MGRN1: variants seen among roughly 807,000 people sequenced by gnomAD.
MGRN1 encodes the protein E3 ubiquitin-protein ligase MGRN1.
Under a neutral mutation model 69.2 loss-of-function variants are expected in MGRN1, and 29 were observed. The observed-to-expected ratio is 0.42, with a 90% CI of 0.31 to 0.57. The LOEUF (loss-of-function observed/expected upper bound fraction) is 0.57, where lower values mean the gene tolerates loss of function less well. Among genes scored for constraint, MGRN1 ranks in the 20% least tolerant of loss-of-function variants. The pLI, the probability that MGRN1 is intolerant of heterozygous loss-of-function variation, is 0.15. For synonymous variants in MGRN1, 470 were observed against 344.2 expected (o/e 1.37, Z -4.04); for missense variants, 998 against 796.2 (o/e 1.25, Z -3.05).
intron 15 of MGRN1, 88 bp from the exon 16 acceptor site, chr16:4,683,755 T>G (rs987280056): frequency 2.9e-5 from 34 of 1,171,128 alleles, no homozygotes; most frequent in Non-Finnish European, 4.0e-5. Context: ...ACAGAGCCCT[T>G]GGGTAAGAGA....
chr16:4,645,053 C>A (rs533234180), intron 1 of MGRN1, among the ~76,000 whole-genome samples: 1 of 150,812 alleles, frequency 6.6e-6, no homozygotes, highest in East Asian at 1.9e-4. Flanking sequence ...TCACTTATTA[C>A]CTATGCAGGT....
intron 5 of MGRN1, among the ~76,000 whole-genome samples, chr16:4,660,645 C>A (rs368622073): frequency 6.6e-6 from 1 of 152,218 alleles, no homozygotes; most frequent in Non-Finnish European, 1.5e-5. Context: ...CTGCCTCCCC[C>A]GTTTGGCTCC....
At chr16:4,682,729 G>C in intron 13 of MGRN1, 94 bp from the exon 14 acceptor site, 3 of 1,382,982 alleles carry the variant, frequency 2.2e-6, no homozygotes, top group Non-Finnish European at 9.6e-7. Flanking sequence ...GCAGGCGTGT[G>C]CAGGGGCCCC....
At chr16:4,656,288 T>C (rs1271333300) in intron 4 of MGRN1, among the ~76,000 whole-genome samples, 3 of 152,248 alleles carry the variant, frequency 2.0e-5, no homozygotes, top group Non-Finnish European at 4.4e-5. Flanking sequence ...GGTGACCATC[T>C]GCTGGTGTCC....
intron 4 of MGRN1, among the ~76,000 whole-genome samples, chr16:4,655,072 G>A (rs1430111686): frequency 6.6e-6 from 1 of 152,206 alleles, no homozygotes; most frequent in East Asian, 1.9e-4. Flanking sequence ...TCCCCTCCTT[G>A]CACCCCACTG....
rs773744383 is a variant in MGRN1 at position 4,688,929 on chromosome 16, C to T, written c.*21C>T. ...TCTGAGAGCCTGGCCGAGCTGGCAG[C>T]ATGGAGCCCTCGGCTCCCCAGACTT... On this transcript the variant is annotated 3_prime_UTR_variant, in exon 17 of 17. Transcript: ENST00000262370. The T allele has an allele frequency of 6.3e-5, 96 of 1,529,882 alleles. No individual in the cohort carries two copies. The highest frequency in any genetic ancestry group is 7.8e-5 in the Non-Finnish European group (88 of 1,132,352). 94.8% of individuals were successfully genotyped at this position (1,529,882 alleles called of 1,614,324 possible). A position where few individuals can be genotyped will look rare whatever the true frequency, so the allele number is the denominator to read the frequency against.
intron 10 of MGRN1, among the ~76,000 whole-genome samples, chr16:4,676,275 G>A (rs1248604756): frequency 2.0e-5 from 3 of 152,206 alleles, no homozygotes; most frequent in African/African-American, 4.8e-5. Flanking sequence ...ACAGAGTTGC[G>A]GGGGCAGGGA....
intron 16 of MGRN1, among the ~76,000 whole-genome samples, chr16:4,685,233 G>A (rs999942712): frequency 5.3e-5 from 8 of 152,258 alleles, no homozygotes; most frequent in African/African-American, 1.9e-4. Context: ...GAGGCCAGAA[G>A]GACCTCAGCT....
intron 1 of MGRN1, among the ~76,000 whole-genome samples, chr16:4,627,317 T>G (rs1596248665): frequency 1.3e-5 from 2 of 152,328 alleles, no homozygotes; most frequent in East Asian, 3.9e-4. Context: ...CACTGTCCAT[T>G]TTTCTTAAGG....
Position 4,681,769 on chromosome 16 carries a change from C to A in MGRN1, c.1351C>A (p.Pro451Thr), listed in dbSNP as rs1364534177. The A allele has an allele frequency of 1.7e-5, 27 of 1,610,466 alleles. No individual in the cohort carries two copies. Among genetic ancestry groups the A allele is most frequent in the Non-Finnish European group, 2.3e-5 (27 of 1,178,736 alleles). ...GAAGGGCAGGCCGCAGAGCAAGGCC[C>A]CCGACAGGTGAGCAGCAGCCAGGCC... The part of the protein sequence containing the change: ...RQKGRPQSKA[P>T]DSTLRSPSSP... Residue 451 changes from proline to threonine, a missense_variant, in exon 13 of 17, where the codon CCC (proline) becomes ACC (threonine). Pro to Thr is a conservative substitution (Grantham distance 38). Transcript: ENST00000262370.
rs1156625107 is a variant in MGRN1 at position 4,680,027 on chromosome 16, G to C, written c.1066-5G>C. 6.2e-7 allele frequency: 1 copy of C among 1,613,698 alleles called. No homozygotes were observed. Among genetic ancestry groups the C allele is most frequent in the East Asian group, 2.2e-5 (1 of 44,866 alleles). On this transcript the variant is annotated splice_region_variant and splice_polypyrimidine_tract_variant and intron_variant, in intron 11 of 16. Coordinates refer to ENST00000262370, the MANE Select transcript of MGRN1 (RefSeq NM_015246.4). ...TTGTAAAACATATGATTTTTATCTT[G>C]ACAGTGTCCCTTTAAAAAATCAAAG...
chr16:4,671,417 G>C lies in MGRN1; in HGVS notation c.753G>C (p.Gln251His). 6.2e-7 allele frequency: 1 copy of C among 1,614,096 alleles called. No individual in the cohort carries two copies. The highest frequency in any genetic ancestry group is 8.5e-7 in the Non-Finnish European group (1 of 1,179,990). Residue 251 changes from glutamine (Q) to histidine (H), a missense_variant, in exon 9 of 17, where the codon CAG (glutamine) becomes CAC (histidine). By Grantham distance (24) the Gln-to-His change is conservative. Coordinates refer to ENST00000262370, the MANE Select transcript of MGRN1 (RefSeq NM_015246.4). Reference sequence around the variant, plus strand: ...TGGACCGGGTCAGCTACCTCCTGCAGGAGATCTATGGCATTGAGAACAAGA... The same window carrying C: ...TGGACCGGGTCAGCTACCTCCTGCACGAGATCTATGGCATTGAGAACAAGA... Reference protein sequence around the residue: ...QIVDRVSYLLQEIYGIENKNN... With the variant: ...QIVDRVSYLLHEIYGIENKNN...
intron 16 of MGRN1, chr16:4,687,874 C>G: frequency 2.0e-6 from 2 of 985,540 alleles, no homozygotes; most frequent in Non-Finnish European, 2.4e-6. Flanking sequence ...TCTTCTTGAG[C>G]CCAGCGAGTC....
At chr16:4,661,545 G>A (rs373439975) in intron 5 of MGRN1, among the ~76,000 whole-genome samples, 9 of 152,232 alleles carry the variant, frequency 5.9e-5, no homozygotes, top group African/African-American at 2.2e-4. Context: ...GGCTCAGGTG[G>A]GGTTCTAATT....
chr16:4,630,735 G>A (rs368898256), intron 1 of MGRN1, among the ~76,000 whole-genome samples: 1 of 151,744 alleles, frequency 6.6e-6, no homozygotes, highest in East Asian at 1.9e-4. Flanking sequence ...GTGAGCCGCT[G>A]TGCCCGGCCT....
At chr16:4,674,626 C>CTTTTTTTTTTTTTTTTTTTTTTTT (rs71139654) in intron 10 of MGRN1, among the ~76,000 whole-genome samples, 8 of 47,256 alleles carry the variant, frequency 1.7e-4, no homozygotes, top group Non-Finnish European at 1.8e-4. Flanking sequence ...CTTTTCTTTT[C>CTTTTTTTTTTTTTTTTTTTTTTTT]TTTTTTTTTT....
chr16:4,655,613 C>T (rs1014098590), intron 4 of MGRN1, among the ~76,000 whole-genome samples: 1 of 152,104 alleles, frequency 6.6e-6, no homozygotes, highest in Non-Finnish European at 1.5e-5. Context: ...TGCTTCCCCT[C>T]CCAGCAGGCA....
rs185519767 is a variant in MGRN1, at chr16:4,675,853, C to T, written c.956-1610C>T. The stretch of plus-strand genomic sequence containing the variant: ...GACATTTCCTCAGTGAAAAGCCGCT[C>T]GTAGGGCCCCGTTCTGAGTGTCTTC... On this transcript the variant is annotated intron_variant, in intron 10 of 16. Coordinates refer to ENST00000262370, the MANE Select transcript of MGRN1 (RefSeq NM_015246.4). 1.7e-4 allele frequency among the ~76,000 whole-genome samples: 26 copies of T among 152,256 alleles called. No individual in the cohort carries two copies. In the East Asian group the frequency reaches 1.7e-3, roughly 10 times the overall value.
At chr16:4,667,289 G>C (rs984131834) in intron 7 of MGRN1, among the ~76,000 whole-genome samples, 1 of 152,192 alleles carries the variant, frequency 6.6e-6, no homozygotes, top group African/African-American at 2.4e-5. Flanking sequence ...GGTTCTGTTA[G>C]CTGGGTAGAG....
Sources: allele counts gnomAD v4.1 joint callset (sites outside exome capture counted in the v4.1 genomes callset), GRCh38; gene constraint gnomAD v4.1.1; transcripts MANE v1.5; gene names NCBI Gene and HGNC (gene_info 2026-07-23, HGNC 2026-07-21).